The following CLHC1 variants were observed in gnomAD, a reference collection of about 807,000 sequenced individuals.
CLHC1 encodes clathrin heavy chain linker domain-containing protein 1.
Under a neutral mutation model 69.5 loss-of-function variants are expected in CLHC1, and 72 were observed. The observed-to-expected ratio is 1.04, with a 90% CI of 0.86 to 1.26. The LOEUF (loss-of-function observed/expected upper bound fraction) is 1.26. Ranked by LOEUF, CLHC1 falls within the 50% of genes most tolerant of loss-of-function variation. The pLI is 0.00. For synonymous variants in CLHC1, 223 were observed against 224.3 expected, an observed-to-expected ratio of 0.99 and a Z score of 0.05; for missense variants, 790 against 679.3, an observed-to-expected ratio of 1.16 and a Z score of -1.81.
chr2:55,193,536 G>C (rs1001822159), intron 9 of CLHC1, among the ~76,000 whole-genome samples: 2 of 152,084 alleles, frequency 1.3e-5, no homozygotes, highest in African/African-American at 4.8e-5. Flanking sequence ...CAAGTGAAAA[G>C]ATGCCTAACA....
intron 11 of CLHC1, 131 bp from the exon 12 acceptor site, chr2:55,177,912 C>T (rs542937675): frequency 6.7e-6 from 4 of 597,400 alleles, no homozygotes; most frequent in Non-Finnish European, 1.1e-5. Flanking sequence ...CAATGACCCA[C>T]TCCAACCTAA....
At chr2:55,232,109 G>A (rs1296504108) in intron 1 of CLHC1, 114 bp downstream of exon 1, 1 of 153,446 alleles carries the variant, frequency 6.5e-6, no homozygotes, top group Admixed American at 6.5e-5. Flanking sequence ...GCTTCTGGAA[G>A]TGAGTGAAGG....
Position 55,229,861 on chromosome 2 carries a change from G to A in CLHC1, c.-255-1657C>T, listed in dbSNP as rs151033976. 6.6e-3 allele frequency among the ~76,000 whole-genome samples: 1,000 copies of A among 152,262 alleles called. 8 individuals are homozygous for A. The highest frequency in any genetic ancestry group is 9.7e-3 in the Admixed American group (149 of 15,308). On this transcript the variant is annotated intron_variant, in intron 1 of 12. Coordinates refer to ENST00000401408, the MANE Select transcript of CLHC1 (RefSeq NM_152385.4). ...GGCCAAGGCGGGCAGATCACCTGAC[G>A]TCGGGAGTTCCAGACCAGCCTGACC... is the stretch of plus-strand genomic sequence containing the variant.
rs374547039 is a variant in CLHC1 at position 55,222,446 on chromosome 2, A to G, written c.-35T>C. 1 of 1,568,680 alleles carries G rather than the reference A, an allele frequency of 6.4e-7. No homozygotes were observed. Among genetic ancestry groups the G allele is most frequent in the Admixed American group, 1.9e-5 (1 of 53,986 alleles). The stretch of plus-strand genomic sequence containing the variant: ...TCTGCACACTTGTTCACTGAAGAAC[A>G]GCTAAATCTTGACCTGCTCTTGCAA... On this transcript the variant is annotated 5_prime_UTR_variant, in exon 3 of 13. Coordinates refer to ENST00000401408, the MANE Select transcript of CLHC1 (RefSeq NM_152385.4).
Position 55,222,413 on chromosome 2 carries a change from T to C in CLHC1, c.-2A>G. 2 of 1,612,534 alleles carry C rather than the reference T, an allele frequency of 1.2e-6. No homozygotes were observed. Among genetic ancestry groups the C allele is most frequent in the South Asian group, 2.2e-5 (2 of 90,924 alleles). ...TTTTCTTATTTGATGAACTGACATA[T>C]TTGACAATCTGCACACTTGTTCACT... On this transcript the variant is annotated 5_prime_UTR_variant, in exon 3 of 13. Transcript: ENST00000401408.
rs2103911067 is a variant in CLHC1, at chr2:55,206,269, C to T, written c.1006+1G>A. ...TATAAGGTTCAGAGAGAAATGCTTA[C>T]CCTTAAATGTATTCATTGTACCAAT... On this transcript the variant is annotated splice_donor_variant, in intron 9 of 12. Coordinates refer to ENST00000401408, the MANE Select transcript of CLHC1 (RefSeq NM_152385.4). LOFTEE classifies it high-confidence loss of function. 5 of 1,530,488 alleles carry T rather than the reference C, an allele frequency of 3.3e-6. No individual in the cohort carries two copies. Among genetic ancestry groups the T allele is most frequent in the Non-Finnish European group, 4.5e-6 (5 of 1,104,862 alleles). 94.8% of individuals were successfully genotyped at this position (1,530,488 alleles called of 1,614,324 possible).
chr2:55,225,450 C>G (rs1334235683), intron 2 of CLHC1: 2 of 152,252 alleles, frequency 1.3e-5, no homozygotes, highest in East Asian at 1.9e-4. Flanking sequence ...ACTGAAACAT[C>G]TGGGTACCTG....
At chr2:55,199,927 A>G (rs1450194521) in intron 9 of CLHC1, among the ~76,000 whole-genome samples, 3 of 152,138 alleles carry the variant, frequency 2.0e-5, no homozygotes, top group Non-Finnish European at 2.9e-5. Flanking sequence ...CTTTCCAATC[A>G]AAAGACATAG....
chr2:55,191,511 G>A (rs1037307878), intron 9 of CLHC1, among the ~76,000 whole-genome samples: 1 of 152,180 alleles, frequency 6.6e-6, no homozygotes, highest in Non-Finnish European at 1.5e-5. Context: ...TGGGATTACA[G>A]GCGTGAGCCA....
chr2:55,222,686 G>T (rs1027333214), intron 2 of CLHC1, among the ~76,000 whole-genome samples, 193 bp from the exon 3 acceptor site: 4 of 152,022 alleles, frequency 2.6e-5, no homozygotes, highest in Non-Finnish European at 5.9e-5. Flanking sequence ...TTGGGAGGCC[G>T]AGGCAGGTGG....
At chr2:55,209,973 AG>A (rs1157561491) in intron 5 of CLHC1, 142 bp from the exon 6 acceptor site, 7 of 573,174 alleles carry the variant, frequency 1.2e-5, no homozygotes, top group Non-Finnish European at 1.8e-5. Context: ...ACTGAACATA[AG>A]TAAAATTAGC....
chr2:55,205,957 T>C (rs1057466839), intron 9 of CLHC1, among the ~76,000 whole-genome samples: 2 of 152,126 alleles, frequency 1.3e-5, no homozygotes, highest in African/African-American at 4.8e-5. Flanking sequence ...ATTATGTCAA[T>C]TTACCACAAG....
chr2:55,173,403 G>A lies in CLHC1; in HGVS notation c.*2387C>T, dbSNP rs1669122509. On this transcript the variant is annotated 3_prime_UTR_variant, in exon 13 of 13. Coordinates refer to ENST00000401408, the MANE Select transcript of CLHC1 (RefSeq NM_152385.4). ...CAGGTATTCGGTAGATGTTGTTGATGCTGATGTTGAATTGTAGTATTTGAA... is the reference window on the plus strand; with the variant it reads ...CAGGTATTCGGTAGATGTTGTTGATACTGATGTTGAATTGTAGTATTTGAA... Among the ~76,000 whole-genome samples, 1 of 152,220 alleles carries A rather than the reference G, an allele frequency of 6.6e-6. No individual in the cohort carries two copies. The highest frequency in any genetic ancestry group is 6.5e-5 in the Admixed American group (1 of 15,284).
Position 55,218,691 on chromosome 2 carries a change from T to G in CLHC1, c.178-693A>C, listed in dbSNP as rs1336836212. ...TCCTTTACTGGTTTATTTATTCATT[T>G]ATTTTTTGTTAATCTTATATATGCA... On this transcript the variant is annotated intron_variant, in intron 3 of 12. Coordinates refer to ENST00000401408, the MANE Select transcript of CLHC1 (RefSeq NM_152385.4). 2.0e-5 allele frequency: 3 copies of G among 152,342 alleles called. No homozygotes were observed. In the South Asian group the frequency reaches 6.2e-4, roughly 32 times the overall value. 9.4% of individuals were successfully genotyped at this position (152,342 alleles called of 1,614,324 possible).
At chr2:55,206,191 G>A in intron 9 of CLHC1, 79 bp downstream of exon 9, 1 of 831,288 alleles carries the variant, frequency 1.2e-6, no homozygotes. Context: ...TAGTCTCCCA[G>A]TTTAATGCTT....
intron 9 of CLHC1, among the ~76,000 whole-genome samples, chr2:55,203,720 TG>T (rs1672178092): frequency 6.6e-6 from 1 of 152,046 alleles, no homozygotes; most frequent in Admixed American, 6.6e-5. Context: ...AAGAAAACAT[TG>T]GGGAAATTCT....
chr2:55,203,793 G>GA (rs1035681440), intron 9 of CLHC1, among the ~76,000 whole-genome samples: 4 of 151,862 alleles, frequency 2.6e-5, no homozygotes, highest in Admixed American at 6.6e-5. Flanking sequence ...GGCAATTGAA[G>GA]AAAAAAATGG....
chr2:55,184,725 T>C (rs1670257113), intron 9 of CLHC1, among the ~76,000 whole-genome samples: 1 of 151,772 alleles, frequency 6.6e-6, no homozygotes, highest in Non-Finnish European at 1.5e-5. Context: ...ACCAACAGGG[T>C]GAAACCCTGT....
rs566741388 is a variant in CLHC1 at position 55,177,631 on chromosome 2, A to G, written c.1535T>C (p.Leu512Pro). Residue 512 changes from leucine to proline, a missense_variant, in exon 12 of 13, where the codon CTA becomes CCA. Leu to Pro is a moderately conservative substitution (Grantham distance 98). Coordinates refer to ENST00000401408, the MANE Select transcript of CLHC1 (RefSeq NM_152385.4). ...CCCACCTTTATTGATTTCTTGAAGT[A>G]GCTTAATGCCAACTTTTTTCATGTC... ...SADMKKVGIK[L>P]LQEINKGGID... 25 of 1,607,108 alleles carry G rather than the reference A, an allele frequency of 1.6e-5. 1 individual carries two copies. The South Asian group carries it at 2.8e-4, about 18-fold the overall frequency.
Sources: allele counts gnomAD v4.1 joint callset (sites outside exome capture counted in the v4.1 genomes callset), GRCh38; gene constraint gnomAD v4.1.1; transcripts MANE v1.5; gene names NCBI Gene and HGNC (gene_info 2026-07-23, HGNC 2026-07-21).